GALNT13: variants seen among roughly 807,000 people sequenced by gnomAD.
GALNT13 encodes the protein UDP-GalNAc:polypeptide N-acetylgalactosaminyltransferase 13.
In GALNT13, 28 loss-of-function variants were observed where a neutral mutation model predicts 64.2. The observed-to-expected ratio is 0.44, with a 90% CI of 0.32 to 0.60. The LOEUF (loss-of-function observed/expected upper bound fraction) is 0.60. Ranked by LOEUF, GALNT13 falls within the 20% of genes least tolerant of loss-of-function variation. The probability of loss-of-function intolerance (pLI) is 0.05; values close to 1 mark genes in which losing one functional copy is unlikely to be tolerated. For synonymous variants in GALNT13, 214 were observed against 224.6 expected (o/e 0.95, Z 0.42); for missense variants, 577 against 669.8 (o/e 0.86, Z 1.53).
At chr2:153,951,609 C>T (rs956042929) in intron 3 of GALNT13, among the ~76,000 whole-genome samples, 5 of 151,986 alleles carry the variant, frequency 3.3e-5, no homozygotes, top group African/African-American at 7.2e-5. Context: ...TTGTTTGATC[C>T]AATTTCCTGA....
intron 3 of GALNT13, among the ~76,000 whole-genome samples, chr2:154,036,347 G>C (rs771828421): frequency 3.3e-5 from 5 of 152,046 alleles, no homozygotes; most frequent in Non-Finnish European, 5.9e-5. Context: ...CTGCATTGCA[G>C]ATACTATCAC....
At chr2:153,654,679 C>T in the GALNT13 span, among the ~76,000 whole-genome samples, 1 of 151,918 alleles carries the variant, frequency 6.6e-6, no homozygotes, top group Non-Finnish European at 1.5e-5. Context: ...AAAAATACAA[C>T]ATAATTATTT....
chr2:153,613,977 G>A, the GALNT13 span, among the ~76,000 whole-genome samples: 204 of 151,920 alleles, frequency 1.3e-3, 1 homozygote, highest in African/African-American at 4.7e-3. Flanking sequence ...AAACCTGCAC[G>A]TTGTGCACAT....
chr2:153,288,175 G>A, the GALNT13 span, among the ~76,000 whole-genome samples: 4 of 152,232 alleles, frequency 2.6e-5, no homozygotes, highest in African/African-American at 9.6e-5. Flanking sequence ...TTTGCTTGTT[G>A]CAGTAATGTT....
At chr2:153,492,748 C>G in the GALNT13 span, among the ~76,000 whole-genome samples, 1 of 151,964 alleles carries the variant, frequency 6.6e-6, no homozygotes, top group Non-Finnish European at 1.5e-5. Context: ...GCAGAATATT[C>G]ATTTTCAGCA....
chr2:153,634,542 C>CTTTTTTTTTTTTTT, the GALNT13 span, among the ~76,000 whole-genome samples: 2 of 91,252 alleles, frequency 2.2e-5, no homozygotes, highest in Non-Finnish European at 4.2e-5. Flanking sequence ...AGATGGAAAT[C>CTTTTTTTTTTTTTT]TTTTTTTTTT....
At chr2:153,913,295 G>A (rs1313116068) in intron 2 of GALNT13, among the ~76,000 whole-genome samples, 1 of 152,152 alleles carries the variant, frequency 6.6e-6, no homozygotes, top group African/African-American at 2.4e-5. Context: ...GGTGGGGTGG[G>A]GGGCAGCATG....
the GALNT13 span, among the ~76,000 whole-genome samples, chr2:153,796,322 T>C: frequency 6.6e-6 from 1 of 152,308 alleles, no homozygotes; most frequent in East Asian, 1.9e-4. Flanking sequence ...CCTAATGCAA[T>C]GTGTGCCACA....
chr2:153,241,220 C>T, the GALNT13 span, among the ~76,000 whole-genome samples: 1 of 152,100 alleles, frequency 6.6e-6, no homozygotes, highest in African/African-American at 2.4e-5. Flanking sequence ...CTCAGCAGGC[C>T]TGACGAGGGG....
chr2:154,347,482 C>G (rs77853476), intron 9 of GALNT13, among the ~76,000 whole-genome samples: 2 of 152,092 alleles, frequency 1.3e-5, no homozygotes, highest in African/African-American at 4.8e-5. Context: ...AAATTATCTG[C>G]TCTCCAGTAA....
chr2:154,439,704 T>C (rs533433409), intron 12 of GALNT13, among the ~76,000 whole-genome samples: 1 of 152,210 alleles, frequency 6.6e-6, no homozygotes. Flanking sequence ...AATATTTGCA[T>C]GAGTCTGTAG....
chr2:154,379,955 T>C (rs1181684652), intron 9 of GALNT13, among the ~76,000 whole-genome samples: 1 of 151,948 alleles, frequency 6.6e-6, no homozygotes, highest in African/African-American at 2.4e-5. Context: ...TCACTGAAAA[T>C]TGCTTTCAAA....
At chr2:153,426,032 G>A in the GALNT13 span, among the ~76,000 whole-genome samples, 3 of 151,626 alleles carry the variant, frequency 2.0e-5, no homozygotes, top group African/African-American at 2.4e-5. Flanking sequence ...TGTTTATTAG[G>A]TCATACACTG....
At chr2:153,485,748 G>T in the GALNT13 span, among the ~76,000 whole-genome samples, 1 of 151,718 alleles carries the variant, frequency 6.6e-6, no homozygotes, top group Non-Finnish European at 1.5e-5. Flanking sequence ...AAATAAAAAG[G>T]CTTTAGCCGG....
At chr2:154,432,657 C>G (rs1195820302) in intron 11 of GALNT13, among the ~76,000 whole-genome samples, 2 of 152,158 alleles carry the variant, frequency 1.3e-5, no homozygotes, top group African/African-American at 4.8e-5. Flanking sequence ...TGCCAACAAT[C>G]CTTGGTGTCC....
intron 2 of GALNT13, among the ~76,000 whole-genome samples, chr2:153,913,128 CTGG>C (rs1030675147): frequency 2.0e-5 from 3 of 152,120 alleles, no homozygotes; most frequent in Non-Finnish European, 4.4e-5. Flanking sequence ...CATGTTCACA[CTGG>C]TGGTGGTGGC....
chr2:153,646,162 G>A, the GALNT13 span, among the ~76,000 whole-genome samples: 1 of 151,910 alleles, frequency 6.6e-6, no homozygotes, highest in Non-Finnish European at 1.5e-5. Context: ...TTCTTCCTCT[G>A]TACCTTGCTA....
chr2:153,311,250 C>T, the GALNT13 span, among the ~76,000 whole-genome samples: 2 of 152,034 alleles, frequency 1.3e-5, no homozygotes, highest in Admixed American at 6.6e-5. Context: ...TTCAAAGGAA[C>T]AAAAACTCAA....
At chr2:153,375,025 T>C in the GALNT13 span, among the ~76,000 whole-genome samples, 1 of 152,180 alleles carries the variant, frequency 6.6e-6, no homozygotes, top group African/African-American at 2.4e-5. Context: ...ACAGTGACTA[T>C]AGTGGATTTG....
Sources: allele counts gnomAD v4.1 joint callset (sites outside exome capture counted in the v4.1 genomes callset), GRCh38; gene constraint gnomAD v4.1.1; transcripts MANE v1.5; gene names NCBI Gene and HGNC (gene_info 2026-07-23, HGNC 2026-07-21).